The following SOX6 variants were observed in gnomAD, a reference collection of about 807,000 sequenced individuals.
SOX6 encodes the protein SRY-box transcription factor 6, also known as transcription factor SOX-6.
Under a neutral mutation model 97.8 loss-of-function variants are expected in SOX6, and 11 were observed. The ratio of observed to expected loss-of-function variants is 0.11; its 90% CI spans 0.07 to 0.19. SOX6 has a LOEUF of 0.19. Ranked by LOEUF, SOX6 falls within the 10% of genes least tolerant of loss-of-function variation. The pLI, the probability that SOX6 is intolerant of heterozygous loss-of-function variation, is 1.00. For synonymous variants in SOX6, 360 were observed against 371.4 expected (o/e 0.97, Z 0.35); for missense variants, 810 against 1,039.5 (o/e 0.78, Z 3.04).
chr11:16,179,985 TG>T (rs1163082061), intron 6 of SOX6, among the ~76,000 whole-genome samples: 1 of 151,822 alleles, frequency 6.6e-6, no homozygotes, highest in African/African-American at 2.4e-5. Flanking sequence ...CAGTTCTAGT[TG>T]CAAAATTCCA....
intron 3 of SOX6, among the ~76,000 whole-genome samples, chr11:16,274,763 T>C (rs1361772609): frequency 1.3e-5 from 2 of 152,208 alleles, no homozygotes; most frequent in Non-Finnish European, 2.9e-5. Context: ...TTGTTCATTC[T>C]TAAGTATTTT....
chr11:16,076,405 CAAA>C (rs34417959), intron 9 of SOX6, among the ~76,000 whole-genome samples: 7 of 91,566 alleles, frequency 7.6e-5, no homozygotes, highest in Admixed American at 1.1e-4. Context: ...AATCAATAAG[CAAA>C]AAAAAAAAAA....
At chr11:16,616,189 G>A (rs1046511784) in intron 3 of SOX6, among the ~76,000 whole-genome samples, 14 of 151,996 alleles carry the variant, frequency 9.2e-5, no homozygotes, top group South Asian at 4.2e-4. Flanking sequence ...ATTTTAGCCC[G>A]CCTAGAAAAA....
chr11:16,656,884 C>T (rs974236620), intron 3 of SOX6, among the ~76,000 whole-genome samples: 9 of 152,100 alleles, frequency 5.9e-5, no homozygotes, highest in South Asian at 2.1e-4. Flanking sequence ...CTCACTATCC[C>T]GGCTCACAGT....
chr11:16,565,326 C>G (rs1041200630), intron 4 of SOX6, among the ~76,000 whole-genome samples: 8 of 151,988 alleles, frequency 5.3e-5, no homozygotes, highest in Non-Finnish European at 1.0e-4. Flanking sequence ...TTAAGTACCC[C>G]CAAAAAGAAA....
intron 2 of SOX6, among the ~76,000 whole-genome samples, chr11:16,336,049 T>C (rs1200877174): frequency 6.6e-6 from 1 of 152,186 alleles, no homozygotes; most frequent in African/African-American, 2.4e-5. Context: ...TCAGATATTC[T>C]GGGGCTGATA....
intron 4 of SOX6, among the ~76,000 whole-genome samples, chr11:16,505,014 T>C (rs934844841): frequency 1.3e-5 from 2 of 152,104 alleles, no homozygotes; most frequent in African/African-American, 4.8e-5. Flanking sequence ...TAAACTAATA[T>C]AGAAATTTGC....
At chr11:16,267,859 T>C (rs1021706754) in intron 3 of SOX6, among the ~76,000 whole-genome samples, 2 of 151,542 alleles carry the variant, frequency 1.3e-5, no homozygotes, top group South Asian at 2.1e-4. Context: ...AGAATACTAT[T>C]CAGCCTTAAT....
chr11:16,272,477 G>A (rs558788037), intron 3 of SOX6, among the ~76,000 whole-genome samples: 1 of 151,696 alleles, frequency 6.6e-6, no homozygotes, highest in Admixed American at 6.6e-5. Flanking sequence ...AATATAAAGT[G>A]TATATAATTA....
chr11:16,102,281 T>C (rs1848967330), intron 7 of SOX6, among the ~76,000 whole-genome samples: 1 of 151,702 alleles, frequency 6.6e-6, no homozygotes, highest in Non-Finnish European at 1.5e-5. Flanking sequence ...CCTTTCACAA[T>C]AGCTGCAATA....
At chr11:16,285,766 C>A (rs1854717956) in intron 3 of SOX6, among the ~76,000 whole-genome samples, 1 of 151,988 alleles carries the variant, frequency 6.6e-6, no homozygotes, top group Admixed American at 6.6e-5. Context: ...GTTGCCTGAT[C>A]CTAAATCAAT....
At chr11:16,576,459 G>C (rs902303509) in intron 4 of SOX6, among the ~76,000 whole-genome samples, 8 of 152,038 alleles carry the variant, frequency 5.3e-5, no homozygotes, top group Admixed American at 2.0e-4. Context: ...AAAAACACAT[G>C]TTGTCATAGT....
intron 3 of SOX6, among the ~76,000 whole-genome samples, chr11:16,308,171 A>G (rs1202245442): frequency 6.6e-6 from 1 of 152,212 alleles, no homozygotes; most frequent in African/African-American, 2.4e-5. Context: ...CTATCTTTGT[A>G]AAAATTCTAA....
At chr11:16,543,013 T>TAC (rs571048414) in intron 4 of SOX6, among the ~76,000 whole-genome samples, 7 of 150,832 alleles carry the variant, frequency 4.6e-5, no homozygotes, top group Admixed American at 6.6e-5. Context: ...TACATACACT[T>TAC]ACACACACAC....
At chr11:16,721,649 C>G in intron 2 of SOX6, among the ~76,000 whole-genome samples, 1 of 138,036 alleles carries the variant, frequency 7.2e-6, no homozygotes. Context: ...CTCTCTCTCT[C>G]CTGCCAGCCG....
intron 7 of SOX6, among the ~76,000 whole-genome samples, chr11:16,107,866 A>G (rs1158023937): frequency 6.6e-6 from 1 of 152,180 alleles, no homozygotes; most frequent in African/African-American, 2.4e-5. Flanking sequence ...GTCGTTGAGC[A>G]GAGGGACACT....
At chr11:16,022,593 A>G (rs112831461) in intron 12 of SOX6, among the ~76,000 whole-genome samples, 8,283 of 151,902 alleles carry the variant, frequency 0.055, 597 homozygotes, top group East Asian at 0.37. Context: ...TTGTATTTTT[A>G]GCAGAGACGG....
chr11:16,738,431 A>C (rs1255615080), exon 1 of SOX6: 1 of 385,860 alleles, frequency 2.6e-6, no homozygotes, highest in Non-Finnish European at 4.9e-6. Context: ...TCACCGCCAT[A>C]CACATCCGCG....
chr11:16,015,877 TGC>T, intron 12 of SOX6, among the ~76,000 whole-genome samples: 1 of 152,180 alleles, frequency 6.6e-6, no homozygotes, highest in East Asian at 1.9e-4. Flanking sequence ...CTTTGTGTTG[TGC>T]TTATGAATGA....
Sources: allele counts gnomAD v4.1 joint callset (sites outside exome capture counted in the v4.1 genomes callset), GRCh38; gene constraint gnomAD v4.1.1; transcripts MANE v1.5; gene names NCBI Gene and HGNC (gene_info 2026-07-23, HGNC 2026-07-21).